Variants in TMPRSS15 observed in about 807,000 individuals in gnomAD.
The protein encoded by TMPRSS15 is enteropeptidase.
In TMPRSS15, 128 loss-of-function variants were observed where a neutral mutation model predicts 125.3. The ratio of observed to expected loss-of-function variants is 1.02; its 90% confidence interval spans 0.89 to 1.18. The LOEUF (loss-of-function observed/expected upper bound fraction) is 1.18. TMPRSS15 is among the 50% of genes most tolerant of loss of function. TMPRSS15 has a pLI of 0.00. For synonymous variants in TMPRSS15, 446 were observed against 423.2 expected (o/e 1.05, Z -0.66); for missense variants, 1,283 against 1,212.7 (o/e 1.06, Z -0.86).
intron 19 of TMPRSS15, among the ~76,000 whole-genome samples, chr21:18,296,357 A>T (rs1387027745): frequency 1.3e-5 from 2 of 152,194 alleles, no homozygotes; most frequent in African/African-American, 4.8e-5. Context: ...AAATTAACCA[A>T]ATAAATAAAT....
chr21:18,463,388 A>G (rs1321333460), intron 1 of TMPRSS15, among the ~76,000 whole-genome samples: 7 of 152,054 alleles, frequency 4.6e-5, no homozygotes, highest in African/African-American at 1.4e-4. Context: ...GGATCAATGC[A>G]TCAAGTAGAG....
intron 3 of TMPRSS15, among the ~76,000 whole-genome samples, chr21:18,388,694 C>A (rs566029147): frequency 2.6e-5 from 4 of 152,256 alleles, no homozygotes; most frequent in South Asian, 4.1e-4. Context: ...CAGACTCAAT[C>A]CTCTACAAAA....
At chr21:18,290,319 C>T (rs1390499804) in intron 21 of TMPRSS15, among the ~76,000 whole-genome samples, 1 of 133,502 alleles carries the variant, frequency 7.5e-6, no homozygotes, top group Non-Finnish European at 1.6e-5. Context: ...ATCATGTTTA[C>T]CAAAATACAG....
intron 10 of TMPRSS15, among the ~76,000 whole-genome samples, chr21:18,351,755 T>C (rs1015663266): frequency 6.6e-6 from 1 of 152,140 alleles, no homozygotes; most frequent in Admixed American, 6.6e-5. Context: ...TAATTCAAAG[T>C]TAAAAGAGAC....
intron 1 of TMPRSS15, among the ~76,000 whole-genome samples, chr21:18,449,615 G>T (rs531296506): frequency 6.6e-6 from 1 of 152,106 alleles, no homozygotes; most frequent in Non-Finnish European, 1.5e-5. Context: ...GACTGCCTAT[G>T]AGCTAAATCA....
chr21:18,483,249 TGA>T (rs910952000), intron 1 of TMPRSS15, among the ~76,000 whole-genome samples: 6 of 151,886 alleles, frequency 4.0e-5, no homozygotes, highest in Non-Finnish European at 8.8e-5. Context: ...AGATAAAATG[TGA>T]GTTTCCGGCA....
At chr21:18,465,765 C>A (rs937035859) in intron 1 of TMPRSS15, among the ~76,000 whole-genome samples, 22 of 152,056 alleles carry the variant, frequency 1.4e-4, no homozygotes, top group Non-Finnish European at 8.8e-5. Flanking sequence ...TAAGAGAGGA[C>A]ACAAACAAAT....
intron 7 of TMPRSS15, 110 bp downstream of exon 7, chr21:18,365,030 C>T: frequency 1.1e-6 from 1 of 917,706 alleles, no homozygotes; most frequent in Admixed American, 2.0e-5. Context: ...GTTTTTGCTT[C>T]ATAGTTAATG....
chr21:18,419,692 G>A (rs945288203), intron 1 of TMPRSS15, among the ~76,000 whole-genome samples: 10 of 152,092 alleles, frequency 6.6e-5, no homozygotes, highest in African/African-American at 2.4e-4. Context: ...CACCAGCCTG[G>A]TAGAAAAGTA....
At chr21:18,366,216 G>A (rs2075736065) in intron 6 of TMPRSS15, among the ~76,000 whole-genome samples, 1 of 152,104 alleles carries the variant, frequency 6.6e-6, no homozygotes, top group African/African-American at 2.4e-5. Flanking sequence ...TATGTACAAA[G>A]TGCTATGTTT....
intron 1 of TMPRSS15, among the ~76,000 whole-genome samples, chr21:18,425,422 T>A (rs2123200109): frequency 6.6e-6 from 1 of 152,206 alleles, no homozygotes; most frequent in East Asian, 1.9e-4. Flanking sequence ...ATATCAATAA[T>A]TAATAATAAC....
intron 6 of TMPRSS15, among the ~76,000 whole-genome samples, chr21:18,366,842 T>C (rs1291187797): frequency 1.3e-5 from 2 of 152,132 alleles, no homozygotes; most frequent in African/African-American, 4.8e-5. Context: ...TAGAATAAGC[T>C]AATTCTAAAC....
At chr21:18,439,147 C>A (rs1366995697) in intron 1 of TMPRSS15, among the ~76,000 whole-genome samples, 1 of 152,268 alleles carries the variant, frequency 6.6e-6, no homozygotes, top group East Asian at 1.9e-4. Context: ...ACATATTCAT[C>A]TCTGTATTTG....
chr21:18,288,305 A>G (rs1347961787), intron 21 of TMPRSS15, among the ~76,000 whole-genome samples: 2 of 152,130 alleles, frequency 1.3e-5, no homozygotes, highest in East Asian at 3.9e-4. Context: ...TAAAGTGTGG[A>G]ATGATAGATC....
intron 21 of TMPRSS15, among the ~76,000 whole-genome samples, chr21:18,286,117 T>C (rs959181246): frequency 6.6e-6 from 1 of 152,200 alleles, no homozygotes; most frequent in African/African-American, 2.4e-5. Context: ...ACTCTTTTCC[T>C]CACTTGACTT....
At chr21:18,428,216 A>C (rs758207232) in intron 1 of TMPRSS15, among the ~76,000 whole-genome samples, 1 of 152,364 alleles carries the variant, frequency 6.6e-6, no homozygotes, top group Non-Finnish European at 1.5e-5. Flanking sequence ...TTTAAATTCA[A>C]ATTTGACTGT....
At chr21:18,435,728 C>T (rs1230406873) in intron 1 of TMPRSS15, among the ~76,000 whole-genome samples, 1 of 152,122 alleles carries the variant, frequency 6.6e-6, no homozygotes, top group Non-Finnish European at 1.5e-5. Context: ...CCTTGTACCT[C>T]TGGTAGAATT....
chr21:18,380,759 A>AT (rs2075885775), intron 4 of TMPRSS15, among the ~76,000 whole-genome samples: 1 of 152,130 alleles, frequency 6.6e-6, no homozygotes, highest in African/African-American at 2.4e-5. Context: ...CATTTGATAA[A>AT]TTTCCAGAGT....
intron 6 of TMPRSS15, among the ~76,000 whole-genome samples, chr21:18,369,778 G>A (rs571193181): frequency 6.6e-6 from 1 of 152,188 alleles, no homozygotes; most frequent in South Asian, 2.1e-4. Flanking sequence ...GCTGCTGGAA[G>A]TTTGAGCTGG....
Sources: gnomAD v4.1 joint callset for allele counts (sites outside exome capture counted in the v4.1 genomes callset) on GRCh38, gnomAD v4.1.1 for gene constraint, MANE v1.5 for transcripts, NCBI Gene and HGNC (gene_info 2026-07-23, HGNC 2026-07-21) for gene names.